The following TANC2 variants were observed in gnomAD, a reference collection of about 807,000 sequenced individuals.
TANC2 encodes the protein protein TANC2.
A neutral mutation model predicts 210.5 loss-of-function variants in TANC2; 26 were observed. The observed-to-expected ratio is 0.12, with a 90% confidence interval of 0.09 to 0.17. The LOEUF is 0.17. Among genes scored for constraint, TANC2 ranks in the 10% least tolerant of loss-of-function variants. TANC2 has a pLI of 1.00. For synonymous variants in TANC2, 931 were observed against 967.1 expected, an observed-to-expected ratio of 0.96 and a Z score of 0.69; for missense variants, 2,129 against 2,608.9, an observed-to-expected ratio of 0.82 and a Z score of 4.01.
At chr17:63,073,823 C>T (rs573359536) in intron 2 of TANC2, 120 bp from the exon 3 acceptor site, 11 of 897,906 alleles carry the variant, frequency 1.2e-5, no homozygotes, top group African/African-American at 6.9e-5. Context: ...TTTAATGATC[C>T]GGATTATAGG....
chr17:63,142,803 A>T (rs2039332964), intron 4 of TANC2, among the ~76,000 whole-genome samples: 1 of 152,186 alleles, frequency 6.6e-6, no homozygotes. Context: ...AGTTTCTTAA[A>T]ATCACCTTAT....
chr17:63,355,183 T>A lies in TANC2; in HGVS notation c.2375T>A (p.Leu792Gln). The A allele has an allele frequency of 1.2e-6, 2 of 1,613,850 alleles. No individual in the cohort carries two copies. Among genetic ancestry groups the A allele is most frequent in the South Asian group, 2.2e-5 (2 of 91,074 alleles). ...GTGGCAGTGGCCTCTCTCCACCCACTGACTGATGAGCATATCTTCCAGGCC... is the reference window on the plus strand; with the variant it reads ...GTGGCAGTGGCCTCTCTCCACCCACAGACTGATGAGCATATCTTCCAGGCC... Residue 792 changes from leucine to glutamine, a missense_variant, in exon 14 of 28, where the codon CTG (leucine) becomes CAG (glutamine). Leu to Gln is a moderately radical substitution (Grantham distance 113). Coordinates refer to ENST00000689528, the Ensembl canonical transcript of TANC2.
intron 5 of TANC2, among the ~76,000 whole-genome samples, chr17:63,165,722 T>TA (rs1288866863): frequency 6.6e-6 from 1 of 152,258 alleles, no homozygotes; most frequent in Non-Finnish European, 1.5e-5. Context: ...TTACTTTCCT[T>TA]ACTCTGATCA....
exon 28 of TANC2, chr17:63,426,287 T>C (rs953793198): frequency 1.3e-5 from 2 of 152,254 alleles, no homozygotes; most frequent in African/African-American, 2.4e-5. Context: ...AACAAAGGGC[T>C]TAGGGGCAAG....
chr17:63,014,238 T>C lies in TANC2; in HGVS notation c.67+4612T>C, dbSNP rs185170203. Among the ~76,000 whole-genome samples the C allele has an allele frequency of 2.0e-3, 312 of 152,334 alleles. 1 individual carries two copies. The highest frequency in any genetic ancestry group is 2.6e-3 in the Non-Finnish European group (176 of 68,034). On this transcript the variant is annotated intron_variant, in intron 2 of 27. Coordinates refer to ENST00000689528, the Ensembl canonical transcript of TANC2. The stretch of plus-strand genomic sequence containing the variant: ...ATTTTAAATCTTTATTGGTATTCTT[T>C]ATTTGGTGAGACATTGTTCTCATAT...
At chr17:63,005,173 A>G (rs925057408) in intron 1 of TANC2, 5 of 152,124 alleles carry the variant, frequency 3.3e-5, no homozygotes, top group Non-Finnish European at 5.9e-5. Flanking sequence ...AAAATGCATT[A>G]TCTCTTTGTT....
At chr17:63,055,160 C>T (rs2035725037) in intron 2 of TANC2, among the ~76,000 whole-genome samples, 2 of 152,082 alleles carry the variant, frequency 1.3e-5, no homozygotes, top group Non-Finnish European at 2.9e-5. Context: ...AACTTAAATT[C>T]CTTCATAGGA....
At chr17:63,200,688 TCATCAAAGCATTTA>T in intron 6 of TANC2, 69 bp from the exon 7 acceptor site, 2 of 1,279,788 alleles carry the variant, frequency 1.6e-6, no homozygotes, top group Non-Finnish European at 1.1e-6. Context: ...GTTTTTTTTT[TCATCAAAGCATTTA>T]TTTTATCTTA....
intron 5 of TANC2, among the ~76,000 whole-genome samples, chr17:63,162,277 C>G (rs2040053997): frequency 6.6e-6 from 1 of 150,520 alleles, no homozygotes. Context: ...GCATTACAGC[C>G]TGGGTGAAGA....
chr17:63,226,036 T>C (rs1203786193), intron 7 of TANC2, among the ~76,000 whole-genome samples: 3 of 152,224 alleles, frequency 2.0e-5, no homozygotes, highest in African/African-American at 7.2e-5. Flanking sequence ...CTTGAAAATA[T>C]AGTAGACTTG....
At chr17:63,324,032 A>T (rs555150816) in intron 11 of TANC2, among the ~76,000 whole-genome samples, 88 of 152,312 alleles carry the variant, frequency 5.8e-4, no homozygotes, top group African/African-American at 2.0e-3. Context: ...CGAAAAATCC[A>T]TCCATCATTT....
At chr17:63,108,626 T>C (rs1010054780) in intron 4 of TANC2, among the ~76,000 whole-genome samples, 6 of 151,480 alleles carry the variant, frequency 4.0e-5, no homozygotes, top group Admixed American at 2.0e-4. Flanking sequence ...CTGGCCAACA[T>C]GGTGAAACTC....
chr17:63,156,455 C>G (rs980486545), intron 5 of TANC2, among the ~76,000 whole-genome samples: 6 of 147,818 alleles, frequency 4.1e-5, no homozygotes, highest in African/African-American at 1.5e-4. Context: ...ATTAGAACAA[C>G]AAGAACAAAA....
Position 62,981,569 on chromosome 17 carries a change from G to T in TANC2, c.-24+14820G>T, listed in dbSNP as rs931079173. The stretch of plus-strand genomic sequence containing the variant: ...TTACCTACAACCTCTTATTGTTGTT[G>T]ACTGTATCTCCTGGTTCATTGTAGG... On this transcript the variant is annotated intron_variant, in intron 1 of 27. Transcript: ENST00000689528. Among the ~76,000 whole-genome samples, 8 of 152,090 alleles carry T rather than the reference G, an allele frequency of 5.3e-5. No homozygotes were observed. In the South Asian group the frequency reaches 1.7e-3, roughly 32 times the overall value.
chr17:63,366,094 A>G (rs530886593), intron 14 of TANC2, among the ~76,000 whole-genome samples: 2 of 152,114 alleles, frequency 1.3e-5, no homozygotes, highest in East Asian at 3.9e-4. Context: ...CCAACAAAGG[A>G]ATGATAAGTG....
At chr17:63,232,839 C>G (rs947078026) in intron 7 of TANC2, among the ~76,000 whole-genome samples, 1 of 152,248 alleles carries the variant, frequency 6.6e-6, no homozygotes, top group African/African-American at 2.4e-5. Flanking sequence ...CCGGATTCCT[C>G]AGAGCCAGCA....
chr17:63,353,799 G>T (rs2046695668), intron 13 of TANC2, among the ~76,000 whole-genome samples: 2 of 152,124 alleles, frequency 1.3e-5, no homozygotes, highest in African/African-American at 4.8e-5. Context: ...ATTGAGGTGA[G>T]ATGCGTTGTG....
intron 2 of TANC2, among the ~76,000 whole-genome samples, chr17:63,054,453 C>A (rs572379757): frequency 3.3e-5 from 5 of 152,212 alleles, no homozygotes; most frequent in African/African-American, 1.2e-4. Context: ...CTCACTGCAA[C>A]CTCTGACTCC....
chr17:63,394,493 A>G (rs2048092124), intron 17 of TANC2, among the ~76,000 whole-genome samples: 1 of 152,216 alleles, frequency 6.6e-6, no homozygotes, highest in African/African-American at 2.4e-5. Context: ...TTGAAAATAC[A>G]GTTCTGAGCA....
Sources: gnomAD v4.1 joint callset for allele counts (sites outside exome capture counted in the v4.1 genomes callset) on GRCh38, gnomAD v4.1.1 for gene constraint, MANE v1.5 for transcripts, NCBI Gene and HGNC (gene_info 2026-07-23, HGNC 2026-07-21) for gene names.